Variants in ADGRF3 observed in about 807,000 individuals in gnomAD.
The protein encoded by ADGRF3 is adhesion G protein-coupled receptor F3, also known as G protein-coupled receptor 113.
A neutral mutation model predicts 93.2 loss-of-function variants in ADGRF3; 85 were observed. That is an observed-to-expected ratio of 0.91 (90% confidence interval 0.77 to 1.09). The LOEUF is 1.09. Among genes scored for constraint, ADGRF3 ranks in the 50% least tolerant of loss-of-function variants. The pLI is 0.00. For synonymous variants in ADGRF3, 534 were observed against 532.5 expected (o/e 1.00, Z -0.04); for missense variants, 1,125 against 1,246.2 (o/e 0.90, Z 1.46).
chr2:26,344,182 T>G (rs761873718), intron 1 of ADGRF3, among the ~76,000 whole-genome samples: 2 of 152,214 alleles, frequency 1.3e-5, no homozygotes, highest in Admixed American at 1.3e-4. Flanking sequence ...TCTTGCTCTG[T>G]CGCCCAGGCT....
intron 1 of ADGRF3, 65 bp downstream of exon 1, chr2:26,346,056 T>C: frequency 1.3e-6 from 2 of 1,488,920 alleles, no homozygotes; most frequent in Non-Finnish European, 9.0e-7. Flanking sequence ...GCTTGCGCAC[T>C]GAGAGGCGGC....
At chr2:26,314,753 C>CA in intron 5 of ADGRF3, 130 bp from the exon 6 acceptor site, 1 of 799,068 alleles carries the variant, frequency 1.3e-6, no homozygotes, top group East Asian at 2.7e-5. Flanking sequence ...CCCCAGCAAG[C>CA]AAGGTCCCAG....
At chr2:26,316,571 C>G in intron 3 of ADGRF3, 123 bp from the exon 4 acceptor site, 1 of 987,064 alleles carries the variant, frequency 1.0e-6, no homozygotes, top group African/African-American at 1.6e-5. Flanking sequence ...CCCCAAGCTA[C>G]AGGTGCCTCA....
At chr2:26,314,998 G>C (rs540154043) in intron 5 of ADGRF3, among the ~76,000 whole-genome samples, 1 of 152,280 alleles carries the variant, frequency 6.6e-6, no homozygotes, top group East Asian at 1.9e-4. Flanking sequence ...TAGTATTTTT[G>C]TTAACAGAAA....
intron 1 of ADGRF3, chr2:26,340,418 A>G (rs1676307635): frequency 2.6e-5 from 4 of 152,316 alleles, no homozygotes; most frequent in Middle Eastern, 3.4e-3. Context: ...CTCTTTCACC[A>G]AAACCGAATG....
At chr2:26,328,875 G>A (rs1021521096) in intron 1 of ADGRF3, among the ~76,000 whole-genome samples, 1 of 152,112 alleles carries the variant, frequency 6.6e-6, no homozygotes, top group Non-Finnish European at 1.5e-5. Flanking sequence ...TTTTTTCTCT[G>A]TCATCTCTGT....
intron 8 of ADGRF3, 84 bp downstream of exon 8, chr2:26,313,293 G>T: frequency 6.9e-7 from 1 of 1,439,692 alleles, no homozygotes; most frequent in South Asian, 1.4e-5. Context: ...CTGGGCCTTG[G>T]GGAAAAGGGT....
Position 26,308,804 on chromosome 2 carries a change from A to T in ADGRF3, c.*282T>A. ...TGGTTGAGAAAGTTTACTTGTAATT[A>T]TTCCGCACTTTGATATCTGTCGATT... On this transcript the variant is annotated 3_prime_UTR_variant, in exon 14 of 14. Coordinates refer to ENST00000651242, the MANE Select transcript of ADGRF3 (RefSeq NM_001321971.2). 4.5e-6 allele frequency: 2 copies of T among 441,990 alleles called. No individual in the cohort carries two copies. Among genetic ancestry groups the T allele is most frequent in the Non-Finnish European group, 8.0e-6 (2 of 248,754 alleles). 27.4% of individuals were successfully genotyped at this position (441,990 alleles called of 1,614,324 possible).
At chr2:26,322,516 G>T (rs909277600) in intron 1 of ADGRF3, among the ~76,000 whole-genome samples, 2 of 152,092 alleles carry the variant, frequency 1.3e-5, no homozygotes, top group African/African-American at 2.4e-5. Flanking sequence ...TGATAAAATT[G>T]AGATTTATTT....
chr2:26,340,694 A>G (rs1000137158), intron 1 of ADGRF3, among the ~76,000 whole-genome samples: 2 of 150,702 alleles, frequency 1.3e-5, no homozygotes, highest in Non-Finnish European at 2.9e-5. Flanking sequence ...GTTTTAGTGG[A>G]GTAATAAAGG....
chr2:26,308,846 CAGGCTTATTCATTAGGT>C lies in ADGRF3; in HGVS notation c.*223_*239del, dbSNP rs1673775087. On this transcript the variant is annotated 3_prime_UTR_variant, in exon 14 of 14. Coordinates refer to ENST00000651242, the MANE Select transcript of ADGRF3 (RefSeq NM_001321971.2). ...CTGTCGATTATTTCTGGAGCAAAGG[CAGGCTTATTCATTAGGT>C]GCCTTTAGCTAATTTTTCCTGCTAT... The C allele has an allele frequency of 6.0e-6, 3 of 497,440 alleles. No homozygotes were observed. Among genetic ancestry groups the C allele is most frequent in the Non-Finnish European group, 1.1e-5 (3 of 280,800 alleles). 30.8% of individuals were successfully genotyped at this position (497,440 alleles called of 1,614,324 possible). A position where few individuals can be genotyped will look rare whatever the true frequency, so the allele number is the denominator to read the frequency against.
chr2:26,316,799 G>T, intron 3 of ADGRF3, 113 bp downstream of exon 3: 2 of 1,210,058 alleles, frequency 1.7e-6, no homozygotes, highest in Non-Finnish European at 1.1e-6. Context: ...GAACCAGGCA[G>T]CCCTTCCTCC....
chr2:26,346,090 G>A (rs765555557), intron 1 of ADGRF3, 31 bp downstream of exon 1: 4 of 1,550,572 alleles, frequency 2.6e-6, no homozygotes, highest in Admixed American at 3.9e-5. Flanking sequence ...GCGGCTACGC[G>A]TGCGCGGTGG....
In ADGRF3 at chr2:26,314,409, C is replaced by G. The variant is rs369066355; in HGVS notation, c.928+5G>C. On this transcript the variant is annotated splice_donor_5th_base_variant and intron_variant, in intron 6 of 13. Transcript: ENST00000651242. ...TGACCCCTGACTGCTGGCCCCTTCTCATACCTTTGCTGCCCTCTCCAGGGC... is the reference window on the plus strand; with the variant it reads ...TGACCCCTGACTGCTGGCCCCTTCTGATACCTTTGCTGCCCTCTCCAGGGC... 349 of 1,610,956 alleles carry G rather than the reference C, an allele frequency of 2.2e-4. No homozygotes were observed. The highest frequency in any genetic ancestry group is 6.3e-5 in the Non-Finnish European group (74 of 1,178,402).
intron 9 of ADGRF3, among the ~76,000 whole-genome samples, chr2:26,312,705 G>A (rs1289373082): frequency 1.3e-5 from 2 of 152,184 alleles, no homozygotes; most frequent in East Asian, 1.9e-4. Flanking sequence ...CGGGCCTCAT[G>A]TCTCCACACC....
intron 7 of ADGRF3, 59 bp downstream of exon 7, chr2:26,313,701 G>C: frequency 6.2e-7 from 1 of 1,602,784 alleles, no homozygotes; most frequent in African/African-American, 1.3e-5. Context: ...ATGCAAGAGA[G>C]CCCGTGCTCC....
intron 1 of ADGRF3, among the ~76,000 whole-genome samples, chr2:26,325,154 G>C (rs541285657): frequency 2.0e-5 from 3 of 152,108 alleles, no homozygotes; most frequent in Non-Finnish European, 2.9e-5. Flanking sequence ...CATGTGTAGA[G>C]AGAAGGGGAA....
Position 26,313,309 on chromosome 2 carries a change from A to G in ADGRF3, c.1269+68T>C, listed in dbSNP as rs529334183. ...TGGGCCTTGGGGAAAAGGGTCTGCA[A>G]GCTGGGTCCTAGAGAGGCTAGGGTG... is the stretch of plus-strand genomic sequence containing the variant. On this transcript the variant is annotated intron_variant, in intron 8 of 13. Transcript: ENST00000651242. The G allele has an allele frequency of 7.2e-5, 105 of 1,457,802 alleles. No homozygotes were observed. The African/African-American group carries it at 1.3e-3, about 18-fold the overall frequency. The allele number at this position is 1,457,802 out of a possible 1,614,324, so 90.3% of individuals were successfully genotyped here.
At position 26,346,519 on chromosome 2, in the gene ADGRF3, G is replaced by C; in HGVS notation, c.-285C>G. ...CCCCGGGAGATTTCCTTTTCCTTAG[G>C]AGAGCGCTCAGTGATCATGGAGCGA... On this transcript the variant is annotated 5_prime_UTR_variant, in exon 1 of 14. Transcript: ENST00000651242. 4.1e-6 allele frequency: 2 copies of C among 482,122 alleles called. No individual in the cohort carries two copies. The highest frequency in any genetic ancestry group is 3.2e-5 in the South Asian group (1 of 31,178). The allele number at this position is 482,122 out of a possible 1,614,324, so 29.9% of individuals were successfully genotyped here.
Sources: gnomAD v4.1 joint callset for allele counts (sites outside exome capture counted in the v4.1 genomes callset) on GRCh38, gnomAD v4.1.1 for gene constraint, MANE v1.5 for transcripts, NCBI Gene and HGNC (gene_info 2026-07-23, HGNC 2026-07-21) for gene names.